The following OXR1 variants were observed in gnomAD, a reference collection of about 807,000 sequenced individuals.
OXR1 encodes the protein oxidation resistance protein 1.
A neutral mutation model predicts 104.6 loss-of-function variants in OXR1; 41 were observed. The ratio of observed to expected loss-of-function variants is 0.39; its 90% CI spans 0.31 to 0.51. The LOEUF (loss-of-function observed/expected upper bound fraction) is 0.51, where lower values mean the gene tolerates loss of function less well. OXR1 is among the 20% of genes least tolerant of loss of function. OXR1 has a pLI of 0.77. For missense variants in OXR1, 955 were observed against 1,031.9 expected (o/e 0.93, Z 1.02); for synonymous variants, 348 against 348.4 (o/e 1.00, Z 0.01).
intron 2 of OXR1, among the ~76,000 whole-genome samples, chr8:106,382,571 G>A (rs934196538): frequency 6.6e-6 from 1 of 151,834 alleles, no homozygotes; most frequent in Non-Finnish European, 1.5e-5. Flanking sequence ...GCTTGGTGTG[G>A]ACCCTGATTA....
chr8:106,623,445 T>C (rs2130856761), intron 3 of OXR1, among the ~76,000 whole-genome samples: 1 of 152,088 alleles, frequency 6.6e-6, no homozygotes, highest in East Asian at 1.9e-4. Context: ...GAATGCCTAT[T>C]ATATTCTGTA....
intron 2 of OXR1, 140 bp downstream of exon 2, chr8:106,359,776 C>T (rs535579044): frequency 1.5e-4 from 97 of 668,110 alleles, no homozygotes; most frequent in Non-Finnish European, 2.3e-4. Context: ...CCCATGTTAG[C>T]GTAAAGAAAG....
intron 3 of OXR1, among the ~76,000 whole-genome samples, chr8:106,558,119 G>A (rs59754708): frequency 1.3e-5 from 2 of 152,026 alleles, no homozygotes; most frequent in African/African-American, 4.8e-5. Flanking sequence ...CAGAGTGGGC[G>A]TAACAATCAT....
chr8:106,709,606 A>C (rs1587187277), intron 9 of OXR1, among the ~76,000 whole-genome samples: 1 of 151,774 alleles, frequency 6.6e-6, no homozygotes, highest in African/African-American at 2.4e-5. Context: ...TTGGGGGTTT[A>C]ATGGGGTTAG....
rs532317164 is a variant in OXR1, at chr8:106,603,255, G to A, written c.221-75955G>A. Among the ~76,000 whole-genome samples, 5 of 152,208 alleles carry A rather than the reference G, an allele frequency of 3.3e-5. No homozygotes were observed. The East Asian group carries it at 9.7e-4, about 29-fold the overall frequency. On this transcript the variant is annotated intron_variant, in intron 3 of 16. Coordinates refer to ENST00000517566, the MANE Select transcript of OXR1 (RefSeq NM_001198533.2). ...TCACACATCCTCTGTGATAACATGG[G>A]TATTACCTCTGACATTTCTTGAGAT...
intron 1 of OXR1, among the ~76,000 whole-genome samples, chr8:106,313,227 G>C (rs936659329): frequency 2.6e-5 from 4 of 151,884 alleles, no homozygotes; most frequent in Non-Finnish European, 5.9e-5. Context: ...CTGCTTTTGA[G>C]GTTGGTGAAG....
intron 6 of OXR1, 66 bp from the exon 7 acceptor site, chr8:106,692,662 A>G (rs904550099): frequency 4.1e-6 from 4 of 986,296 alleles, no homozygotes; most frequent in African/African-American, 1.6e-5. Flanking sequence ...TTGACTTTTT[A>G]ATAGTGTGCT....
At chr8:106,495,156 A>C (rs1028573321) in intron 2 of OXR1, among the ~76,000 whole-genome samples, 4 of 151,666 alleles carry the variant, frequency 2.6e-5, no homozygotes, top group African/African-American at 9.7e-5. Flanking sequence ...TAATATACAT[A>C]GATATATAAT....
At chr8:106,672,836 T>G (rs1434204479) in intron 3 of OXR1, among the ~76,000 whole-genome samples, 1 of 152,206 alleles carries the variant, frequency 6.6e-6, no homozygotes, top group Non-Finnish European at 1.5e-5. Context: ...TTCTCCCTCC[T>G]GCCACCTTGT....
Position 106,740,480 on chromosome 8 carries a change from A to G in OXR1, c.2301A>G (p.Lys767=), listed in dbSNP as rs755305171. 4 of 1,612,126 alleles carry G rather than the reference A, an allele frequency of 2.5e-6. No individual in the cohort carries two copies. The highest frequency in any genetic ancestry group is 3.4e-6 in the Non-Finnish European group (4 of 1,179,010). Reference sequence around the variant, plus strand: ...ACACCCCAGTGCTGATGGTGATTAAAGACAGTGATGGACAGGTATGAAACA... The same window carrying G: ...ACACCCCAGTGCTGATGGTGATTAAGGACAGTGATGGACAGGTATGAAACA... The part of the protein sequence containing the change: ...GLDTPVLMVI[K]DSDGQVFGAL... Residue 767 remains lysine (K), a synonymous_variant, in exon 14 of 17, where the codon AAA becomes AAG. Coordinates refer to ENST00000517566, the MANE Select transcript of OXR1 (RefSeq NM_001198533.2).
In OXR1 at chr8:106,664,984, A is replaced by G. The variant is rs183430048; in HGVS notation, c.221-14226A>G. Among the ~76,000 whole-genome samples, 13 of 152,356 alleles carry G rather than the reference A, an allele frequency of 8.5e-5. No individual in the cohort carries two copies. The East Asian group carries it at 2.3e-3, about 27-fold the overall frequency. ...ACCATATATTTCTGGTCACAAAAAC[A>G]TTAGCAAACTTGTAAGTAAAGACCT... is the stretch of plus-strand genomic sequence containing the variant. On this transcript the variant is annotated intron_variant, in intron 3 of 16. Coordinates refer to ENST00000517566, the MANE Select transcript of OXR1 (RefSeq NM_001198533.2).
rs555103460 is a variant in OXR1 at position 106,306,543 on chromosome 8, G to A, written c.-139+36176G>A. ...ACTAAAAAAAAAAAATCCCAAACAA[G>A]TTTTACAAATTGTGGTATATTCATA... On this transcript the variant is annotated intron_variant, in intron 1 of 16. Transcript: ENST00000517566. 2.0e-5 allele frequency among the ~76,000 whole-genome samples: 3 copies of A among 151,524 alleles called. No homozygotes were observed. The South Asian group carries it at 6.3e-4, about 32-fold the overall frequency.
chr8:106,533,305 T>C (rs1038621997), intron 3 of OXR1, among the ~76,000 whole-genome samples: 1 of 152,216 alleles, frequency 6.6e-6, no homozygotes, highest in Non-Finnish European at 1.5e-5. Context: ...CCTCTGCTAG[T>C]AATTAGGAAA....
intron 3 of OXR1, among the ~76,000 whole-genome samples, chr8:106,672,348 T>A (rs1490237815): frequency 6.9e-6 from 1 of 145,822 alleles, no homozygotes; most frequent in African/African-American, 2.5e-5. Flanking sequence ...TTAGCTGGGG[T>A]TGGTGGCGTG....
chr8:106,435,873 G>A (rs1328248089), intron 2 of OXR1, among the ~76,000 whole-genome samples: 1 of 152,008 alleles, frequency 6.6e-6, no homozygotes, highest in African/African-American at 2.4e-5. Flanking sequence ...CTACTTTATT[G>A]GATGTTGTTG....
At chr8:106,678,133 T>C (rs536256580) in intron 3 of OXR1, among the ~76,000 whole-genome samples, 1 of 152,196 alleles carries the variant, frequency 6.6e-6, no homozygotes, top group East Asian at 1.9e-4. Flanking sequence ...GGTTTTAGGA[T>C]AGTTTTTTAA....
Position 106,750,908 on chromosome 8 carries a change from T to C in OXR1, c.2589T>C (p.Phe863=), listed in dbSNP as rs757956019. 6.2e-7 allele frequency: 1 copy of C among 1,606,360 alleles called. No homozygotes were observed. Among genetic ancestry groups the C allele is most frequent in the South Asian group, 1.1e-5 (1 of 89,660 alleles). The part of the protein sequence containing the change: ...NRTLSKKEDF[F]IQDIEIWAFE ...CACTTTCTAAGAAGGAAGATTTCTT[T>C]ATCCAAGATATTGAAATCTGGGCTT... The change falls in exon 17 of 17, where the codon TTT becomes TTC. Residue 863 remains phenylalanine (F), a synonymous_variant. Transcript: ENST00000517566.
chr8:106,310,353 A>G (rs1057247937), intron 1 of OXR1, among the ~76,000 whole-genome samples: 5 of 151,600 alleles, frequency 3.3e-5, no homozygotes, highest in African/African-American at 1.2e-4. Flanking sequence ...TTTCCTGGAG[A>G]CATTCCTCAG....
chr8:106,668,114 T>C (rs1369328229), intron 3 of OXR1, among the ~76,000 whole-genome samples: 1 of 152,184 alleles, frequency 6.6e-6, no homozygotes, highest in Non-Finnish European at 1.5e-5. Flanking sequence ...ATTTACTCAT[T>C]TTACTATTTT....
Sources: gnomAD v4.1 joint callset for allele counts (sites outside exome capture counted in the v4.1 genomes callset) on GRCh38, gnomAD v4.1.1 for gene constraint, MANE v1.5 for transcripts, NCBI Gene and HGNC (gene_info 2026-07-23, HGNC 2026-07-21) for gene names.